Variants in CADM3 observed in about 807,000 individuals in gnomAD.
The protein encoded by CADM3 is cell adhesion molecule 3.
A neutral mutation model predicts 44.9 loss-of-function variants in CADM3; 11 were observed. The observed-to-expected ratio is 0.25, with a 90% CI of 0.15 to 0.41. The LOEUF (loss-of-function observed/expected upper bound fraction) is 0.41. Among genes scored for constraint, CADM3 ranks in the 10% least tolerant of loss-of-function variants. CADM3 has a pLI of 1.00. For missense variants in CADM3, 426 were observed against 512.0 expected (o/e 0.83, Z 1.62); for synonymous variants, 207 against 205.2 (o/e 1.01, Z -0.08).
Position 159,192,676 on chromosome 1 carries a change from T to C in CADM3, c.328T>C (p.Cys110Arg). Residue 110 changes from cysteine (C) to arginine (R), a missense_variant, in exon 3 of 9, where the codon TGC (cysteine) becomes CGC (arginine). Cys to Arg is a radical substitution (Grantham distance 180). Transcript: ENST00000368125. ...VALADEGEYTCSIFTMPVRTA... is the reference protein window; with the variant it reads ...VALADEGEYTRSIFTMPVRTA... ...CCTGGCAGACGAGGGCGAGTACACC[T>C]GCTCAATCTTCACTATGCCTGTGCG... The C allele has an allele frequency of 6.2e-7, 1 of 1,614,128 alleles. No homozygotes were observed. The highest frequency in any genetic ancestry group is 8.5e-7 in the Non-Finnish European group (1 of 1,180,032).
At chr1:159,185,103 T>C (rs1649367929) in intron 1 of CADM3, among the ~76,000 whole-genome samples, 1 of 152,226 alleles carries the variant, frequency 6.6e-6, no homozygotes, top group East Asian at 1.9e-4. Context: ...GAGATTTTTT[T>C]TTAACTAGAC....
chr1:159,193,468 G>A lies in CADM3; in HGVS notation c.428G>A (p.Arg143Gln), dbSNP rs1293309397. Residue 143 changes from arginine to glutamine, a missense_variant, in exon 4 of 9, where the codon CGG (arginine) becomes CAG (glutamine). Arg to Gln is a conservative substitution (Grantham distance 43). Coordinates refer to ENST00000368125, the MANE Select transcript of CADM3 (RefSeq NM_001127173.3). Reference protein sequence around the residue: ...PIITGYKSSLREKDTATLNCQ... With the variant: ...PIITGYKSSLQEKDTATLNCQ... ...ATCACTGGTTATAAATCTTCATTAC[G>A]GGAAAAAGACACAGCCACCCTAAAC... is the stretch of plus-strand genomic sequence containing the variant. 4 of 1,612,128 alleles carry A rather than the reference G, an allele frequency of 2.5e-6. No individual in the cohort carries two copies. Among genetic ancestry groups the A allele is most frequent in the Admixed American group, 1.7e-5 (1 of 59,940 alleles).
chr1:159,177,156 C>A (rs959289940), intron 1 of CADM3, among the ~76,000 whole-genome samples: 1 of 152,056 alleles, frequency 6.6e-6, no homozygotes, highest in Admixed American at 6.6e-5. Flanking sequence ...CATTAAAAGC[C>A]CCTCCATCAC....
intron 1 of CADM3, among the ~76,000 whole-genome samples, chr1:159,179,651 T>C (rs1241063730): frequency 6.6e-6 from 1 of 152,230 alleles, no homozygotes. Context: ...TACCCTTCTA[T>C]GACCTGGCGC....
chr1:159,179,644 C>A (rs1649153442), intron 1 of CADM3, among the ~76,000 whole-genome samples: 1 of 152,052 alleles, frequency 6.6e-6, no homozygotes. Flanking sequence ...TTACTTTTAC[C>A]CTTCTATGAC....
Position 159,193,991 on chromosome 1 carries a change from A to G in CADM3, c.642A>G (p.Glu214=). The G allele has an allele frequency of 1.9e-6, 3 of 1,614,154 alleles. No individual in the cohort carries two copies. Among genetic ancestry groups the G allele is most frequent in the Non-Finnish European group, 2.5e-6 (3 of 1,180,034 alleles). Reference sequence around the variant, plus strand: ...GCATCGTGTGCTCTGTGAACCATGAATCTCTAAAGGGAGCTGACAGATCCA... The same window carrying G: ...GCATCGTGTGCTCTGTGAACCATGAGTCTCTAAAGGGAGCTGACAGATCCA... ...GASIVCSVNH[E]SLKGADRSTS... The change falls in exon 5 of 9, where the codon GAA becomes GAG. Residue 214 remains glutamate (E), a synonymous_variant. Coordinates refer to ENST00000368125, the MANE Select transcript of CADM3 (RefSeq NM_001127173.3).
At chr1:159,179,513 C>A (rs1291193229) in intron 1 of CADM3, among the ~76,000 whole-genome samples, 1 of 152,198 alleles carries the variant, frequency 6.6e-6, no homozygotes, top group Non-Finnish European at 1.5e-5. Flanking sequence ...CATCTGTAGG[C>A]TAGCCATTAT....
At chr1:159,182,824 T>C (rs1240983177) in intron 1 of CADM3, among the ~76,000 whole-genome samples, 1 of 152,242 alleles carries the variant, frequency 6.6e-6, no homozygotes, top group Admixed American at 6.5e-5. Flanking sequence ...GTATTCATAA[T>C]ACCTTAAAGT....
At chr1:159,179,994 G>T (rs724363) in intron 1 of CADM3, among the ~76,000 whole-genome samples, 1 of 151,892 alleles carries the variant, frequency 6.6e-6, no homozygotes, top group Non-Finnish European at 1.5e-5. Flanking sequence ...CCCATATTTT[G>T]ATTTATCCTC....
rs1024822784 is a variant in CADM3 at position 159,171,696 on chromosome 1, C to T, written c.-70C>T. 28 of 1,130,604 alleles carry T rather than the reference C, an allele frequency of 2.5e-5. No individual in the cohort carries two copies. The highest frequency in any genetic ancestry group is 2.9e-5 in the Non-Finnish European group (26 of 896,060). The allele number at this position is 1,130,604 out of a possible 1,614,324, so 70.0% of individuals were successfully genotyped here. On this transcript the variant is annotated 5_prime_UTR_variant, in exon 1 of 9. Transcript: ENST00000368125. ...TTTCGGTCAACATCGTAGTCCACCC[C>T]CTCCCCATCCCCAGCCCCCGGGGAT...
intron 7 of CADM3, 127 bp from the exon 8 acceptor site, chr1:159,199,624 A>G (rs1355263889): frequency 8.4e-7 from 1 of 1,191,854 alleles, no homozygotes; most frequent in East Asian, 2.4e-5. Context: ...ATGATGAATG[A>G]CACTGCTCCA....
intron 8 of CADM3, among the ~76,000 whole-genome samples, 180 bp downstream of exon 8, chr1:159,200,056 AC>A (rs1175474865): frequency 2.6e-5 from 4 of 152,142 alleles, no homozygotes; most frequent in Admixed American, 6.6e-5. Flanking sequence ...ATAACTGAGC[AC>A]CACCAACCCC....
At chr1:159,172,609 G>A (rs931616429) in intron 1 of CADM3, among the ~76,000 whole-genome samples, 3 of 152,288 alleles carry the variant, frequency 2.0e-5, no homozygotes, top group African/African-American at 4.8e-5. Context: ...AAGATATTTG[G>A]GGAGGAGGAT....
intron 1 of CADM3, chr1:159,189,804 C>T: frequency 1.2e-6 from 2 of 1,607,734 alleles, no homozygotes; most frequent in Non-Finnish European, 1.7e-6. Context: ...GAGCTGGGAA[C>T]TCTGGCTCCA....
intron 1 of CADM3, chr1:159,189,938 C>T (rs1649582655): frequency 5.4e-6 from 6 of 1,106,640 alleles, no homozygotes; most frequent in East Asian, 2.6e-5. Context: ...CATCCTCTCC[C>T]ACTCATGTTG....
rs1392506355 is a variant in CADM3, at chr1:159,193,457, A to G, written c.417A>G (p.Lys139=). The change falls in exon 4 of 9, where the codon AAA becomes AAG. Residue 139 remains lysine (K), a synonymous_variant. Transcript: ENST00000368125. ...IPQKPIITGY[K]SSLREKDTAT... is the part of the protein sequence containing the mutation. ...AGAAGCCCATCATCACTGGTTATAA[A>G]TCTTCATTACGGGAAAAAGACACAG... The G allele has an allele frequency of 1.2e-6, 2 of 1,611,276 alleles. No individual in the cohort carries two copies. Among genetic ancestry groups the G allele is most frequent in the Non-Finnish European group, 1.7e-6 (2 of 1,177,908 alleles).
chr1:159,173,017 G>A (rs1485638985), intron 1 of CADM3, among the ~76,000 whole-genome samples: 2 of 152,106 alleles, frequency 1.3e-5, no homozygotes, highest in African/African-American at 4.8e-5. Flanking sequence ...CCACCGCCCT[G>A]TCGGAAGAGG....
intron 2 of CADM3, 103 bp downstream of exon 2, chr1:159,192,179 A>G: frequency 7.9e-6 from 10 of 1,265,218 alleles, no homozygotes; most frequent in Admixed American, 2.2e-5. Context: ...GCTGAGAAAC[A>G]TGGTGGTCTG....
At chr1:159,193,098 A>G (rs867667101) in intron 3 of CADM3, among the ~76,000 whole-genome samples, 4 of 152,220 alleles carry the variant, frequency 2.6e-5, no homozygotes, top group Admixed American at 6.5e-5. Flanking sequence ...TCTTCATCCT[A>G]TATTTCATCC....
Sources: allele counts gnomAD v4.1 joint callset (sites outside exome capture counted in the v4.1 genomes callset), GRCh38; gene constraint gnomAD v4.1.1; transcripts MANE v1.5; gene names NCBI Gene and HGNC (gene_info 2026-07-23, HGNC 2026-07-21).